Variants in HACD2 observed in about 807,000 individuals in gnomAD.
HACD2 encodes the protein very-long-chain (3R)-3-hydroxyacyl-CoA dehydratase 2.
HACD2 carries 15 observed loss-of-function variants against 31.0 expected under a neutral mutation model. The observed-to-expected ratio is 0.48, with a 90% CI of 0.32 to 0.75. The LOEUF is 0.75. HACD2 is among the 30% of genes least tolerant of loss of function. The probability of loss-of-function intolerance (pLI) is 0.03; values close to 1 mark genes in which losing one functional copy is unlikely to be tolerated. For missense variants in HACD2, 283 were observed against 313.0 expected (o/e 0.90, Z 0.72); for synonymous variants, 115 against 122.2 (o/e 0.94, Z 0.39).
At chr3:123,549,966 A>T (rs903115189) in intron 3 of HACD2, among the ~76,000 whole-genome samples, 1 of 152,082 alleles carries the variant, frequency 6.6e-6, no homozygotes, top group Non-Finnish European at 1.5e-5. Context: ...ATACTGGCCT[A>T]CCTCTTGGTG....
chr3:123,572,879 C>A (rs1328865989), intron 2 of HACD2, among the ~76,000 whole-genome samples: 1 of 152,038 alleles, frequency 6.6e-6, no homozygotes, highest in Non-Finnish European at 1.5e-5. Context: ...TCTTTCAATT[C>A]AAAATTCCAA....
intron 5 of HACD2, among the ~76,000 whole-genome samples, chr3:123,501,137 C>CA (rs964765159): frequency 4.0e-5 from 6 of 151,078 alleles, no homozygotes; most frequent in African/African-American, 1.5e-4. Flanking sequence ...GACTGAACAA[C>CA]AAAAAAAATA....
chr3:123,527,235 G>A (rs1451698664), intron 4 of HACD2, among the ~76,000 whole-genome samples: 4 of 152,202 alleles, frequency 2.6e-5, no homozygotes, highest in African/African-American at 9.6e-5. Flanking sequence ...AAGTATGAGA[G>A]GAAGAAATAT....
intron 4 of HACD2, among the ~76,000 whole-genome samples, chr3:123,511,061 G>C (rs1475381104): frequency 6.6e-6 from 1 of 150,886 alleles, no homozygotes; most frequent in Non-Finnish European, 1.5e-5. Context: ...ATCTTTTCAC[G>C]TGCTTATTGG....
At chr3:123,516,321 G>A (rs960248406) in intron 4 of HACD2, among the ~76,000 whole-genome samples, 2 of 147,156 alleles carry the variant, frequency 1.4e-5, no homozygotes, top group South Asian at 2.1e-4. Context: ...TGCAACCTCC[G>A]CCTCCCGGGT....
chr3:123,494,727 C>A lies in HACD2; in HGVS notation c.*161G>T. On this transcript the variant is annotated 3_prime_UTR_variant, in exon 7 of 7. Transcript: ENST00000383657. ...TAACAACCTTTTTCTAAAATAAAATCTCAGGCCCATGTGACACTGGATTTT... is the reference window on the plus strand; with the variant it reads ...TAACAACCTTTTTCTAAAATAAAATATCAGGCCCATGTGACACTGGATTTT... 1 of 646,874 alleles carries A rather than the reference C, an allele frequency of 1.5e-6. No homozygotes were observed. The highest frequency in any genetic ancestry group is 2.8e-5 in the East Asian group (1 of 35,750). The allele number at this position is 646,874 out of a possible 1,614,324, so 40.1% of individuals were successfully genotyped here. A position where few individuals can be genotyped will look rare whatever the true frequency, so the allele number is the denominator to read the frequency against.
intron 2 of HACD2, among the ~76,000 whole-genome samples, 157 bp downstream of exon 2, chr3:123,582,055 T>A (rs1163259904): frequency 6.6e-6 from 1 of 152,148 alleles, no homozygotes; most frequent in Admixed American, 6.5e-5. Context: ...ATCTAGAACA[T>A]CAAAAAGCCT....
intron 4 of HACD2, among the ~76,000 whole-genome samples, chr3:123,509,592 G>A (rs1047662115): frequency 1.3e-5 from 2 of 150,974 alleles, no homozygotes; most frequent in East Asian, 2.0e-4. Context: ...TCCGCTTCCC[G>A]GGTTCACGCC....
rs188462602 is a variant in HACD2, at chr3:123,563,145, A to C, written c.292+4617T>G. Among the ~76,000 whole-genome samples the C allele has an allele frequency of 5.3e-3, 812 of 152,368 alleles. 2 individuals are homozygous for C. The highest frequency in any genetic ancestry group is 0.019 in the African/African-American group (794 of 41,590). ...AATAGCTCTTGCTCTAAAAATATTCAGTGGTACTGGTGGGGACATGGGTGC... is the reference window on the plus strand; with the variant it reads ...AATAGCTCTTGCTCTAAAAATATTCCGTGGTACTGGTGGGGACATGGGTGC... On this transcript the variant is annotated intron_variant, in intron 3 of 6. Transcript: ENST00000383657.
intron 4 of HACD2, among the ~76,000 whole-genome samples, chr3:123,504,580 G>A (rs1360136701): frequency 6.6e-6 from 1 of 150,442 alleles, no homozygotes; most frequent in African/African-American, 2.4e-5. Context: ...CTCCTGCTTT[G>A]ACCCAGCCTA....
At chr3:123,550,554 A>G (rs949409642) in intron 3 of HACD2, among the ~76,000 whole-genome samples, 1 of 152,208 alleles carries the variant, frequency 6.6e-6, no homozygotes, top group Non-Finnish European at 1.5e-5. Context: ...TAGACAGAGA[A>G]GCAGAGGGCA....
chr3:123,539,911 T>TAAAAAAA (rs71142741), intron 3 of HACD2, among the ~76,000 whole-genome samples: 581 of 24,464 alleles, frequency 0.024, 219 homozygotes, highest in African/African-American at 0.026. Context: ...TCGTCTCTAC[T>TAAAAAAA]AAAAAAAAAA....
intron 4 of HACD2, among the ~76,000 whole-genome samples, chr3:123,526,314 G>T (rs747318512): frequency 2.0e-5 from 3 of 152,172 alleles, no homozygotes; most frequent in Non-Finnish European, 4.4e-5. Context: ...CGATGAATGA[G>T]GAGTTCTGTG....
chr3:123,540,092 A>AT (rs1387587729), intron 3 of HACD2, among the ~76,000 whole-genome samples: 4 of 151,224 alleles, frequency 2.6e-5, no homozygotes, highest in Non-Finnish European at 5.9e-5. Flanking sequence ...TAAAAAAAAA[A>AT]AAAAAGAAAA....
At chr3:123,519,217 A>G (rs1283576283) in intron 4 of HACD2, among the ~76,000 whole-genome samples, 1 of 152,162 alleles carries the variant, frequency 6.6e-6, no homozygotes, top group Non-Finnish European at 1.5e-5. Flanking sequence ...CCTCTAAAAA[A>G]AGCATCCCCT....
chr3:123,557,384 G>A (rs1189050704), intron 3 of HACD2, among the ~76,000 whole-genome samples: 3 of 152,156 alleles, frequency 2.0e-5, no homozygotes, highest in Non-Finnish European at 4.4e-5. Context: ...GTTGTGGACC[G>A]CTGCCTTAAA....
intron 3 of HACD2, among the ~76,000 whole-genome samples, chr3:123,548,387 T>C (rs2056583325): frequency 6.6e-6 from 1 of 151,988 alleles, no homozygotes; most frequent in Non-Finnish European, 1.5e-5. Flanking sequence ...CCAGTTCCAG[T>C]CCAGTCTGCA....
At chr3:123,573,459 TG>T (rs2056876067) in intron 2 of HACD2, among the ~76,000 whole-genome samples, 1 of 152,230 alleles carries the variant, frequency 6.6e-6, no homozygotes, top group Admixed American at 6.5e-5. Context: ...GAAGAATAAA[TG>T]GGGTGTGTTC....
intron 4 of HACD2, 27 bp downstream of exon 4, chr3:123,528,359 A>G: frequency 7.4e-7 from 1 of 1,352,258 alleles, no homozygotes; most frequent in South Asian, 1.2e-5. Flanking sequence ...TAGTGTTGAC[A>G]TTATTTTGGT....
Sources: allele counts gnomAD v4.1 joint callset (sites outside exome capture counted in the v4.1 genomes callset), GRCh38; gene constraint gnomAD v4.1.1; transcripts MANE v1.5; gene names NCBI Gene and HGNC (gene_info 2026-07-23, HGNC 2026-07-21).